The following APAF1 variants were observed in gnomAD, a reference collection of about 807,000 sequenced individuals.
APAF1 encodes the protein apoptotic protease-activating factor 1.
Under a neutral mutation model 152.4 loss-of-function variants are expected in APAF1, and 91 were observed. That is an observed-to-expected ratio of 0.60 (90% confidence interval 0.50 to 0.71). APAF1 has a LOEUF of 0.71. Among genes scored for constraint, APAF1 ranks in the 30% least tolerant of loss-of-function variants. The pLI is 0.00. For missense variants in APAF1, 1,283 were observed against 1,472.0 expected, an observed-to-expected ratio of 0.87 and a Z score of 2.10; for synonymous variants, 484 against 494.1, an observed-to-expected ratio of 0.98 and a Z score of 0.27.
At chr12:98,663,520 C>A (rs1229345947) in intron 7 of APAF1, among the ~76,000 whole-genome samples, 1 of 151,688 alleles carries the variant, frequency 6.6e-6, no homozygotes, top group Non-Finnish European at 1.5e-5. Flanking sequence ...AGCCTGTTAC[C>A]CAGTTTTTTG....
At chr12:98,669,424 A>G (rs1017895300) in intron 10 of APAF1, among the ~76,000 whole-genome samples, 3 of 152,226 alleles carry the variant, frequency 2.0e-5, no homozygotes, top group Admixed American at 6.5e-5. Flanking sequence ...GATCACAACC[A>G]TTACTAATGC....
At chr12:98,715,262 A>ATATATATG (rs1317607546) in intron 21 of APAF1, among the ~76,000 whole-genome samples, 165 bp from the exon 22 acceptor site, 3 of 126,368 alleles carry the variant, frequency 2.4e-5, no homozygotes, top group Non-Finnish European at 5.1e-5. Context: ...ATATATATAT[A>ATATATATG]TATATATATA....
At chr12:98,719,620 G>GGGT (rs2097739586) in intron 22 of APAF1, among the ~76,000 whole-genome samples, 1 of 151,882 alleles carries the variant, frequency 6.6e-6, no homozygotes, top group Admixed American at 6.6e-5. Flanking sequence ...CCAAAGTGCT[G>GGGT]GGATTACAAG....
chr12:98,648,592 ATTG>A (rs1381230209), intron 2 of APAF1, 31 bp from the exon 3 acceptor site: 4 of 1,611,096 alleles, frequency 2.5e-6, no homozygotes, highest in Non-Finnish European at 2.5e-6. Flanking sequence ...ATACATATTC[ATTG>A]TTGTATACTA....
intron 4 of APAF1, among the ~76,000 whole-genome samples, chr12:98,658,276 CA>C (rs2097660337): frequency 6.6e-6 from 1 of 152,034 alleles, no homozygotes; most frequent in Non-Finnish European, 1.5e-5. Context: ...ATACATATTT[CA>C]AGATGTTTTA....
At chr12:98,655,471 C>T (rs1459076536) in intron 4 of APAF1, among the ~76,000 whole-genome samples, 16 of 150,362 alleles carry the variant, frequency 1.1e-4, no homozygotes, top group Admixed American at 9.9e-4. Context: ...GACCCCCCCA[C>T]CTCCCTCCCG....
intron 18 of APAF1, among the ~76,000 whole-genome samples, chr12:98,704,874 G>C (rs1206900345): frequency 6.6e-6 from 1 of 152,048 alleles, no homozygotes; most frequent in East Asian, 1.9e-4. Flanking sequence ...CCACCTCCCG[G>C]GTTCAAGCTA....
At position 98,666,296 on chromosome 12, in the gene APAF1, G is replaced by A. The variant is rs201872620; in HGVS notation, c.1301G>A (p.Arg434His). The A allele has an allele frequency of 1.5e-5, 25 of 1,613,668 alleles. No individual in the cohort carries two copies. The highest frequency in any genetic ancestry group is 1.3e-4 in the South Asian group (12 of 90,982). The change falls in exon 9 of 27, where the codon CGT becomes CAT. Residue 434 changes from arginine (R) to histidine (H), a missense_variant. By Grantham distance (29) the Arg-to-His change is conservative (BLOSUM62 0). Transcript: ENST00000551964. ...TGTGATCGGAATGGAAAGTCGTTTC[G>A]TTATTATTTACATGATCTTCAAGTA... ...LFCDRNGKSFRYYLHDLQVDF... is the reference protein window; with the variant it reads ...LFCDRNGKSFHYYLHDLQVDF...
intron 16 of APAF1, among the ~76,000 whole-genome samples, chr12:98,697,321 A>G (rs1593080845): frequency 1.3e-5 from 2 of 152,066 alleles, no homozygotes; most frequent in African/African-American, 4.8e-5. Context: ...GACACCTGAC[A>G]TATTTTGTGT....
At chr12:98,665,491 C>A in intron 7 of APAF1, 62 bp from the exon 8 acceptor site, 2 of 1,123,838 alleles carry the variant, frequency 1.8e-6, no homozygotes, top group Admixed American at 1.7e-5. Flanking sequence ...GTAAGTAAGT[C>A]GATTCTTATT....
At chr12:98,698,770 G>A (rs1566302) in intron 16 of APAF1, among the ~76,000 whole-genome samples, 238 of 152,318 alleles carry the variant, frequency 1.6e-3, no homozygotes, top group African/African-American at 5.0e-3. Flanking sequence ...GCCCAGAGGA[G>A]TGAAGGTGGA....
chr12:98,706,410 T>G, intron 18 of APAF1, 75 bp from the exon 19 acceptor site: 1 of 1,461,604 alleles, frequency 6.8e-7, no homozygotes, highest in Non-Finnish European at 9.6e-7. Context: ...GGCTCATTCT[T>G]GCTATTTTCA....
intron 22 of APAF1, among the ~76,000 whole-genome samples, chr12:98,717,309 C>A (rs957650141): frequency 1.3e-5 from 2 of 151,438 alleles, no homozygotes; most frequent in Non-Finnish European, 1.5e-5. Context: ...AGGAGATATA[C>A]ACACAGACAG....
chr12:98,671,504 G>A lies in APAF1; in HGVS notation c.1609-31G>A, dbSNP rs1251897189. 3.7e-6 allele frequency: 6 copies of A among 1,601,236 alleles called. No homozygotes were observed. The South Asian group carries it at 5.5e-5, about 15-fold the overall frequency. On this transcript the variant is annotated intron_variant, in intron 11 of 26. Coordinates refer to ENST00000551964, the MANE Select transcript of APAF1 (RefSeq NM_181861.2). ...AAAATGTCAGATCGTGGCTCTGATT[G>A]TGTTTCTAAGAGATTTCAGTTTATT... is the stretch of plus-strand genomic sequence containing the variant.
At chr12:98,708,784 A>C in intron 20 of APAF1, 80 bp downstream of exon 20, 3 of 1,430,896 alleles carry the variant, frequency 2.1e-6, no homozygotes, top group Non-Finnish European at 2.9e-6. Flanking sequence ...TTTGGACTTG[A>C]GATTAAGCAT....
At position 98,665,801 on chromosome 12, in the gene APAF1, T is replaced by A. The variant is rs913525980; in HGVS notation, c.1194+10T>A. On this transcript the variant is annotated intron_variant, in intron 8 of 26. Coordinates refer to ENST00000551964, the MANE Select transcript of APAF1 (RefSeq NM_181861.2). ...TAAGGTGCCTACAAAGGTAATGGGATCAATGATCCTCATCATTGGGTATTT... is the reference window on the plus strand; with the variant it reads ...TAAGGTGCCTACAAAGGTAATGGGAACAATGATCCTCATCATTGGGTATTT... The A allele has an allele frequency of 6.4e-7, 1 of 1,561,668 alleles. No homozygotes were observed. The highest frequency in any genetic ancestry group is 8.8e-7 in the Non-Finnish European group (1 of 1,132,476).
intron 16 of APAF1, among the ~76,000 whole-genome samples, chr12:98,689,474 CTGTG>C (rs796807068): frequency 2.2e-5 from 3 of 133,466 alleles, no homozygotes; most frequent in African/African-American, 2.8e-5. Flanking sequence ...GTGTGTGTGT[CTGTG>C]TGTGTGTGTG....
At chr12:98,706,414 A>G (rs1035625451) in intron 18 of APAF1, 71 bp from the exon 19 acceptor site, 7 of 1,506,030 alleles carry the variant, frequency 4.6e-6, no homozygotes, top group African/African-American at 1.4e-5. Flanking sequence ...CATTCTTGCT[A>G]TTTTCAATAT....
At chr12:98,707,336 A>T (rs780981578) in intron 19 of APAF1, among the ~76,000 whole-genome samples, 33 of 152,254 alleles carry the variant, frequency 2.2e-4, no homozygotes, top group Non-Finnish European at 1.0e-4. Flanking sequence ...GTGGTTTCTT[A>T]TATTTGGAAT....
Sources: gnomAD v4.1 joint callset for allele counts (sites outside exome capture counted in the v4.1 genomes callset) on GRCh38, gnomAD v4.1.1 for gene constraint, MANE v1.5 for transcripts, NCBI Gene and HGNC (gene_info 2026-07-23, HGNC 2026-07-21) for gene names.